Variants in EFCAB5 observed in about 807,000 individuals in gnomAD.
EFCAB5 encodes the protein EF-hand calcium-binding domain-containing protein 5.
A neutral mutation model predicts 167.9 loss-of-function variants in EFCAB5; 131 were observed. The ratio of observed to expected loss-of-function variants is 0.78; its 90% CI spans 0.68 to 0.90. EFCAB5 has a LOEUF of 0.90. EFCAB5 is among the 40% of genes least tolerant of loss of function. EFCAB5 has a pLI of 0.00. For missense variants in EFCAB5, 1,663 were observed against 1,745.2 expected (o/e 0.95, Z 0.84); for synonymous variants, 574 against 602.8 (o/e 0.95, Z 0.70).
At chr17:29,977,130 T>C (rs568901638) in intron 4 of EFCAB5, among the ~76,000 whole-genome samples, 17 of 152,304 alleles carry the variant, frequency 1.1e-4, no homozygotes, top group African/African-American at 3.6e-4. Context: ...AAAAGTATCT[T>C]TTCCCTCTGA....
At chr17:29,939,724 A>G (rs373664119), upstream of EFCAB5, among the ~76,000 whole-genome samples, 49 of 152,112 alleles carry the variant, frequency 3.2e-4, no homozygotes, top group African/African-American at 1.2e-3. Flanking sequence ...CAGCTTTCTC[A>G]CCTCTCTCAG....
chr17:29,950,023 T>C (rs7222308), intron 3 of EFCAB5, among the ~76,000 whole-genome samples: 59,829 of 151,962 alleles, frequency 0.39, 13,768 homozygotes, highest in East Asian at 0.68. Context: ...CCTTGGGTTA[T>C]GGGAGACAGG....
intron 22 of EFCAB5, among the ~76,000 whole-genome samples, chr17:30,094,862 G>C (rs1027907246): frequency 1.3e-5 from 2 of 152,100 alleles, no homozygotes; most frequent in African/African-American, 2.4e-5. Context: ...CTTCCCTGTG[G>C]GGGACCCTCT....
Position 30,107,843 on chromosome 17 carries a change from G to A in EFCAB5, c.4331G>A (p.Arg1444Gln), listed in dbSNP as rs752214047. The A allele has an allele frequency of 3.7e-5, 58 of 1,565,368 alleles. No individual in the cohort carries two copies. Among genetic ancestry groups the A allele is most frequent in the Middle Eastern group, 1.7e-4 (1 of 5,968 alleles). ...LIDEYIRDHS[R>Q]TEVWKFGNVV... ...TTTTTTCCTGATGCAGATCATTCCCGAACTGAAGTATGGAAATTTGGTAAT... is the reference window on the plus strand; with the variant it reads ...TTTTTTCCTGATGCAGATCATTCCCAAACTGAAGTATGGAAATTTGGTAAT... Residue 1444 changes from arginine (R) to glutamine (Q), a missense_variant, in exon 23 of 23, where the codon CGA (arginine) becomes CAA (glutamine). Coordinates refer to ENST00000394835, the MANE Select transcript of EFCAB5 (RefSeq NM_198529.4).
intron 9 of EFCAB5, among the ~76,000 whole-genome samples, chr17:30,052,377 G>C (rs191302754): frequency 6.6e-6 from 1 of 152,210 alleles, no homozygotes; most frequent in Admixed American, 6.5e-5. Context: ...ATGTTGGGCA[G>C]GCAGGTCTCA....
At chr17:29,934,364 T>C (rs1046735039) in intron 1 of EFCAB5, among the ~76,000 whole-genome samples, 1 of 152,230 alleles carries the variant, frequency 6.6e-6, no homozygotes, top group African/African-American at 2.4e-5. Flanking sequence ...AATTTCCCCA[T>C]CTACCCAAAC....
At chr17:30,084,346 G>A (rs566513870) in intron 18 of EFCAB5, among the ~76,000 whole-genome samples, 52 of 152,302 alleles carry the variant, frequency 3.4e-4, no homozygotes, top group Admixed American at 2.2e-3. Context: ...GGGCCCCAGG[G>A]AAGATTCAGA....
chr17:30,002,450 C>T (rs1168129932), intron 7 of EFCAB5, among the ~76,000 whole-genome samples: 2 of 152,198 alleles, frequency 1.3e-5, no homozygotes, highest in South Asian at 2.1e-4. Context: ...CTGGTAATGA[C>T]ATTTTGCCAG....
At chr17:30,100,101 C>G (rs947573249) in intron 22 of EFCAB5, among the ~76,000 whole-genome samples, 1 of 152,168 alleles carries the variant, frequency 6.6e-6, no homozygotes, top group African/African-American at 2.4e-5. Flanking sequence ...TAGGCTTTCT[C>G]CACTGCTGAT....
intron 7 of EFCAB5, among the ~76,000 whole-genome samples, chr17:30,006,145 G>C (rs1355327578): frequency 6.6e-6 from 1 of 152,066 alleles, no homozygotes; most frequent in Non-Finnish European, 1.5e-5. Context: ...AGGCTTCTTG[G>C]GTTTGTGTTT....
chr17:30,011,544 G>T (rs1362803809), intron 7 of EFCAB5, among the ~76,000 whole-genome samples: 1 of 152,066 alleles, frequency 6.6e-6, no homozygotes, highest in Non-Finnish European at 1.5e-5. Context: ...TGGATTCCTA[G>T]GTATTTTATT....
chr17:29,935,133 T>G (rs545348255), intron 1 of EFCAB5, among the ~76,000 whole-genome samples: 7 of 152,304 alleles, frequency 4.6e-5, no homozygotes, highest in African/African-American at 1.7e-4. Flanking sequence ...CACAGATATA[T>G]AAGAGCTGAG....
chr17:30,077,169 G>T (rs557574361), intron 14 of EFCAB5, among the ~76,000 whole-genome samples: 4 of 152,196 alleles, frequency 2.6e-5, no homozygotes, highest in African/African-American at 9.6e-5. Context: ...AGGCATAGTG[G>T]TGCACATCTG....
rs574233176 is a variant in EFCAB5 at position 30,045,893 on chromosome 17, T to A, written c.1201-5225T>A. Among the ~76,000 whole-genome samples, 4 of 151,900 alleles carry A rather than the reference T, an allele frequency of 2.6e-5. 1 individual carries two copies. Among genetic ancestry groups the A allele is most frequent in the East Asian group, 1.9e-4 (1 of 5,150 alleles). Reference sequence around the variant, plus strand: ...AATAAATAAATAAATAAATAAAAGTTAGCTGAGTGTAGTGGCATGGTACCT... The same window carrying A: ...AATAAATAAATAAATAAATAAAAGTAAGCTGAGTGTAGTGGCATGGTACCT... On this transcript the variant is annotated intron_variant, in intron 8 of 22. Coordinates refer to ENST00000394835, the MANE Select transcript of EFCAB5 (RefSeq NM_198529.4).
At chr17:29,943,726 C>T in intron 3 of EFCAB5, 77 bp downstream of exon 3, 1 of 1,345,762 alleles carries the variant, frequency 7.4e-7, no homozygotes, top group Admixed American at 2.2e-5. Context: ...GTAATTCCAG[C>T]ACTTTGGGAG....
At chr17:30,045,458 C>CAAAAAAAAA (rs11291669) in intron 8 of EFCAB5, among the ~76,000 whole-genome samples, 1 of 80,388 alleles carries the variant, frequency 1.2e-5, no homozygotes, top group African/African-American at 4.6e-5. Flanking sequence ...GCTCTGTCTC[C>CAAAAAAAAA]AAAAAAAAAA....
At chr17:29,981,669 G>C (rs1317371441) in intron 4 of EFCAB5, among the ~76,000 whole-genome samples, 5 of 152,092 alleles carry the variant, frequency 3.3e-5, no homozygotes, top group Non-Finnish European at 7.4e-5. Context: ...ACCTATTCCA[G>C]TCTGCCTTAA....
Position 30,055,875 on chromosome 17 carries a change from T to G in EFCAB5, c.2195-13T>G. 1.2e-6 allele frequency: 2 copies of G among 1,608,994 alleles called. No individual in the cohort carries two copies. Among genetic ancestry groups the G allele is most frequent in the East Asian group, 2.2e-5 (1 of 44,818 alleles). ...ATGTCTAATTCATAAGCATTTTCAT[T>G]TGCACCTTTTAGAAACTACAAAAAA... On this transcript the variant is annotated splice_polypyrimidine_tract_variant and intron_variant, in intron 10 of 22. Transcript: ENST00000394835.
At chr17:30,062,999 C>T (rs535999700) in intron 14 of EFCAB5, among the ~76,000 whole-genome samples, 44 of 152,282 alleles carry the variant, frequency 2.9e-4, no homozygotes, top group African/African-American at 9.9e-4. Flanking sequence ...AATTGGTACC[C>T]TGGCCAAACT....
Sources: allele counts gnomAD v4.1 joint callset (sites outside exome capture counted in the v4.1 genomes callset), GRCh38; gene constraint gnomAD v4.1.1; transcripts MANE v1.5; gene names NCBI Gene and HGNC (gene_info 2026-07-23, HGNC 2026-07-21).